Variants in HECW2 observed in about 807,000 individuals in gnomAD.
HECW2 encodes the protein HECT, C2 and WW domain containing E3 ubiquitin protein ligase 2, also known as E3 ubiquitin-protein ligase HECW2.
In HECW2, 61 loss-of-function variants were observed where a neutral mutation model predicts 175.2. The observed-to-expected ratio is 0.35, with a 90% CI of 0.28 to 0.43. HECW2 has a LOEUF of 0.43. Ranked by LOEUF, HECW2 falls within the 20% of genes least tolerant of loss-of-function variation. The probability of loss-of-function intolerance (pLI) is 1.00; values close to 1 mark genes in which losing one functional copy is unlikely to be tolerated. For missense variants in HECW2, 1,524 were observed against 2,000.5 expected, an observed-to-expected ratio of 0.76 and a Z score of 4.54; for synonymous variants, 671 against 731.0, an observed-to-expected ratio of 0.92 and a Z score of 1.32.
chr2:196,275,559 C>T (rs573385248), intron 15 of HECW2, among the ~76,000 whole-genome samples: 111 of 152,190 alleles, frequency 7.3e-4, no homozygotes, highest in Middle Eastern at 6.8e-3. Flanking sequence ...CGAGACCATC[C>T]TGGCCAACAT....
At chr2:196,242,327 C>T (rs951171216) in intron 19 of HECW2, 123 bp from the exon 20 acceptor site, 74 of 1,267,146 alleles carry the variant, frequency 5.8e-5, no homozygotes, top group Admixed American at 5.7e-4. Context: ...TTAACTTCTG[C>T]ATTTTTGATT....
intron 2 of HECW2, among the ~76,000 whole-genome samples, chr2:196,417,121 C>G (rs1311768062): frequency 6.6e-6 from 1 of 152,100 alleles, no homozygotes; most frequent in African/African-American, 2.4e-5. Flanking sequence ...AAAATGAGAC[C>G]GATAGAGTCA....
chr2:196,528,765 A>T (rs1688750785), intron 1 of HECW2, among the ~76,000 whole-genome samples: 1 of 152,246 alleles, frequency 6.6e-6, no homozygotes, highest in South Asian at 2.1e-4. Context: ...AGGAGAAAGA[A>T]TTCCACATCC....
chr2:196,206,153 A>G (rs1351271614), intron 28 of HECW2, among the ~76,000 whole-genome samples: 1 of 152,214 alleles, frequency 6.6e-6, no homozygotes, highest in Admixed American at 6.5e-5. Context: ...CCAGCTATTC[A>G]GTCTCAATAA....
At chr2:196,392,338 C>T (rs146197469) in intron 2 of HECW2, among the ~76,000 whole-genome samples, 283 of 152,290 alleles carry the variant, frequency 1.9e-3, no homozygotes, top group African/African-American at 6.2e-3. Flanking sequence ...CTATTCAACT[C>T]GGATAGGAAT....
chr2:196,465,299 T>A (rs1047309880), intron 1 of HECW2, among the ~76,000 whole-genome samples: 18 of 152,210 alleles, frequency 1.2e-4, no homozygotes, highest in African/African-American at 4.3e-4. Context: ...TTTTGGCTAA[T>A]CTAGTCTCCT....
chr2:196,489,567 G>C (rs1310591253), intron 1 of HECW2, among the ~76,000 whole-genome samples: 1 of 152,120 alleles, frequency 6.6e-6, no homozygotes, highest in African/African-American at 2.4e-5. Context: ...AAATTCCAAA[G>C]AAAAACATCC....
At chr2:196,454,953 G>T (rs1696459946) in intron 1 of HECW2, among the ~76,000 whole-genome samples, 2 of 152,086 alleles carry the variant, frequency 1.3e-5, no homozygotes, top group African/African-American at 4.8e-5. Flanking sequence ...TTGTCCACCT[G>T]AAAGGTAAAA....
chr2:196,362,646 C>T (rs559996370), intron 2 of HECW2, among the ~76,000 whole-genome samples: 3 of 152,260 alleles, frequency 2.0e-5, no homozygotes, highest in Non-Finnish European at 4.4e-5. Context: ...TTCAAACATG[C>T]GGTTATCAAT....
At chr2:196,237,245 C>T (rs1824019) in intron 21 of HECW2, among the ~76,000 whole-genome samples, 152,057 of 152,322 alleles carry the variant, frequency 1, 75,897 homozygotes, top group Middle Eastern at 1. Context: ...TTTGGTTATA[C>T]GAGTAAGTTC....
chr2:196,201,426 C>T, intron 28 of HECW2, 38 bp from the exon 29 acceptor site: 1 of 1,441,598 alleles, frequency 6.9e-7, no homozygotes, highest in Non-Finnish European at 9.8e-7. Context: ...TTAGAACAGG[C>T]CGAGTGAAAT....
chr2:196,359,397 G>C (rs1349625339), intron 2 of HECW2, among the ~76,000 whole-genome samples: 1 of 152,272 alleles, frequency 6.6e-6, no homozygotes, highest in East Asian at 1.9e-4. Context: ...GCAGTGAGCC[G>C]AGGTGGTGCC....
chr2:196,507,576 C>T (rs1338862598), intron 1 of HECW2, among the ~76,000 whole-genome samples: 1 of 152,186 alleles, frequency 6.6e-6, no homozygotes. Context: ...TTCAAAATGT[C>T]AATAGTGATG....
At chr2:196,377,613 C>A (rs1391064162) in intron 2 of HECW2, among the ~76,000 whole-genome samples, 1 of 152,202 alleles carries the variant, frequency 6.6e-6, no homozygotes, top group Non-Finnish European at 1.5e-5. Flanking sequence ...CACTGGGTTC[C>A]TCCCACAATA....
At chr2:196,554,503 T>A (rs1258399165) in intron 1 of HECW2, among the ~76,000 whole-genome samples, 1 of 152,098 alleles carries the variant, frequency 6.6e-6, no homozygotes, top group Non-Finnish European at 1.5e-5. Flanking sequence ...TAAAACTCAG[T>A]TGAAGCCCTG....
chr2:196,486,482 C>T (rs1687011659), intron 1 of HECW2, among the ~76,000 whole-genome samples: 1 of 152,110 alleles, frequency 6.6e-6, no homozygotes, highest in African/African-American at 2.4e-5. Context: ...TCTGGAAAAC[C>T]CTCAAGCCCA....
chr2:196,258,062 AC>A, intron 17 of HECW2, 156 bp from the exon 18 acceptor site: 1 of 565,252 alleles, frequency 1.8e-6, no homozygotes, highest in East Asian at 2.9e-5. Context: ...TCCAAGAGAG[AC>A]ATGGTCTTTG....
At chr2:196,540,592 C>T (rs1689175682) in intron 1 of HECW2, among the ~76,000 whole-genome samples, 1 of 152,028 alleles carries the variant, frequency 6.6e-6, no homozygotes, top group African/African-American at 2.4e-5. Context: ...TACAAGAGTA[C>T]AACACCATGC....
intron 7 of HECW2, 40 bp downstream of exon 7, chr2:196,322,438 A>T (rs1273204695): frequency 6.4e-7 from 1 of 1,574,074 alleles, no homozygotes; most frequent in Non-Finnish European, 8.6e-7. Context: ...TCCTATATGA[A>T]CTAATCTCAA....
Sources: allele counts gnomAD v4.1 joint callset (sites outside exome capture counted in the v4.1 genomes callset), GRCh38; gene constraint gnomAD v4.1.1; transcripts MANE v1.5; gene names NCBI Gene and HGNC (gene_info 2026-07-23, HGNC 2026-07-21).